Variants in STXBP6 observed in about 807,000 individuals in gnomAD.
STXBP6 encodes syntaxin-binding protein 6.
A neutral mutation model predicts 26.9 loss-of-function variants in STXBP6; 21 were observed. The ratio of observed to expected loss-of-function variants is 0.78; its 90% CI spans 0.55 to 1.12. The LOEUF (loss-of-function observed/expected upper bound fraction) is 1.12. Among genes scored for constraint, STXBP6 ranks in the 50% most tolerant of loss-of-function variants. The pLI is 0.00. For missense variants in STXBP6, 232 were observed against 257.9 expected, an observed-to-expected ratio of 0.90 and a Z score of 0.69; for synonymous variants, 97 against 92.6, an observed-to-expected ratio of 1.05 and a Z score of -0.27.
At chr14:24,846,289 T>C (rs934405411) in intron 4 of STXBP6, among the ~76,000 whole-genome samples, 5 of 152,240 alleles carry the variant, frequency 3.3e-5, no homozygotes, top group African/African-American at 7.2e-5. Context: ...TTTACAGCAT[T>C]ATTCTATGTA....
rs569935841 is a variant in STXBP6, at chr14:24,895,423, T to G, written c.155-38266A>C. On this transcript the variant is annotated intron_variant, in intron 2 of 5. Coordinates refer to ENST00000323944, the MANE Select transcript of STXBP6 (RefSeq NM_001394410.1). ...ACTTCAACAACAGGACTAGGTTTAC[T>G]GGCATTCATGTCCAGTGAAAGGAAG... 2.0e-5 allele frequency among the ~76,000 whole-genome samples: 3 copies of G among 152,354 alleles called. No homozygotes were observed. In the South Asian group the frequency reaches 6.2e-4, roughly 32 times the overall value.
chr14:24,983,265 C>T (rs929737099), intron 1 of STXBP6, among the ~76,000 whole-genome samples: 1 of 152,164 alleles, frequency 6.6e-6, no homozygotes, highest in Non-Finnish European at 1.5e-5. Context: ...TGACATTCCC[C>T]TATTTTTACT....
At chr14:25,038,085 T>C (rs1023744750) in intron 1 of STXBP6, among the ~76,000 whole-genome samples, 1 of 148,786 alleles carries the variant, frequency 6.7e-6, no homozygotes, top group Non-Finnish European at 1.5e-5. Flanking sequence ...ACACACACAC[T>C]CACACACACA....
chr14:24,986,645 G>A (rs559365000), intron 1 of STXBP6, among the ~76,000 whole-genome samples: 168 of 152,216 alleles, frequency 1.1e-3, no homozygotes, highest in African/African-American at 3.8e-3. Context: ...CCCTTCAGCC[G>A]CAGCACAAAA....
chr14:24,924,494 T>C (rs2072092614), intron 2 of STXBP6, among the ~76,000 whole-genome samples: 1 of 152,082 alleles, frequency 6.6e-6, no homozygotes, highest in Non-Finnish European at 1.5e-5. Flanking sequence ...TAGAAATAGA[T>C]AAAATCTCCA....
At chr14:25,013,788 C>T (rs1329533871) in intron 1 of STXBP6, among the ~76,000 whole-genome samples, 3 of 149,938 alleles carry the variant, frequency 2.0e-5, no homozygotes, top group Admixed American at 2.0e-4. Context: ...AGGGTGAATC[C>T]ACAGATTAAA....
intron 1 of STXBP6, among the ~76,000 whole-genome samples, chr14:24,977,777 C>A (rs950607203): frequency 7.9e-5 from 12 of 152,148 alleles, no homozygotes; most frequent in Non-Finnish European, 1.3e-4. Flanking sequence ...GCAATCTATA[C>A]CAAAGGTATT....
chr14:24,834,183 C>G (rs188690906), intron 4 of STXBP6, among the ~76,000 whole-genome samples: 5 of 151,980 alleles, frequency 3.3e-5, no homozygotes, highest in Non-Finnish European at 7.4e-5. Flanking sequence ...TCTGTAGAGA[C>G]GAGGTCTTGC....
chr14:24,885,501 A>G (rs566472225), intron 2 of STXBP6, among the ~76,000 whole-genome samples: 1 of 152,318 alleles, frequency 6.6e-6, no homozygotes, highest in South Asian at 2.1e-4. Flanking sequence ...ATTACACTCA[A>G]TCCCCTACCT....
Position 24,832,716 on chromosome 14 carries a change from C to T in STXBP6, c.452-13522G>A, listed in dbSNP as rs151186396. Among the ~76,000 whole-genome samples the T allele has an allele frequency of 2.6e-5, 4 of 152,218 alleles. No homozygotes were observed. The East Asian group carries it at 7.7e-4, about 29-fold the overall frequency. On this transcript the variant is annotated intron_variant, in intron 4 of 5. Transcript: ENST00000323944. ...TATCAATTACATAGAGGAGTTAATC[C>T]ACACTGAATAATTTTAAACAAAAAC...
intron 2 of STXBP6, among the ~76,000 whole-genome samples, chr14:24,936,166 G>A (rs1461804786): frequency 6.6e-6 from 1 of 152,168 alleles, no homozygotes; most frequent in Non-Finnish European, 1.5e-5. Flanking sequence ...CCATTTGAGA[G>A]TCTACTGGCT....
chr14:24,831,657 T>C (rs975657434), intron 4 of STXBP6, among the ~76,000 whole-genome samples: 19 of 152,168 alleles, frequency 1.2e-4, no homozygotes, highest in Admixed American at 3.3e-4. Context: ...AGTGAATTTA[T>C]TGTACTCTTT....
chr14:24,871,639 C>T (rs1345776303), intron 2 of STXBP6, among the ~76,000 whole-genome samples: 2 of 152,180 alleles, frequency 1.3e-5, no homozygotes, highest in African/African-American at 4.8e-5. Flanking sequence ...TATCTCCTCT[C>T]CAGAGCAAGG....
chr14:24,958,086 G>T (rs57787991), intron 2 of STXBP6, among the ~76,000 whole-genome samples: 1 of 152,098 alleles, frequency 6.6e-6, no homozygotes, highest in Non-Finnish European at 1.5e-5. Flanking sequence ...ATGGAAAAAT[G>T]ATGCTCTACA....
chr14:24,944,033 GT>G (rs1279537871), intron 2 of STXBP6, among the ~76,000 whole-genome samples: 3 of 152,012 alleles, frequency 2.0e-5, no homozygotes, highest in Non-Finnish European at 2.9e-5. Flanking sequence ...TTGCTAATTT[GT>G]TTTTGTCCTC....
chr14:24,970,424 G>A (rs987056), intron 2 of STXBP6, among the ~76,000 whole-genome samples: 17,333 of 151,946 alleles, frequency 0.11, 1,072 homozygotes, highest in African/African-American at 0.14. Flanking sequence ...AGTCAATCCT[G>A]CCACTACATC....
chr14:24,940,523 C>T (rs1718619791), intron 2 of STXBP6, among the ~76,000 whole-genome samples: 1 of 152,192 alleles, frequency 6.6e-6, no homozygotes, highest in South Asian at 2.1e-4. Context: ...TGGCTTGATG[C>T]TGGAAGCCTC....
chr14:25,004,363 G>A (rs1169649295), intron 1 of STXBP6, among the ~76,000 whole-genome samples: 1 of 152,218 alleles, frequency 6.6e-6, no homozygotes, highest in Non-Finnish European at 1.5e-5. Context: ...AGGGAAAAGA[G>A]CACTCAATCA....
chr14:25,038,822 T>TA (rs1464940518), intron 1 of STXBP6, among the ~76,000 whole-genome samples: 55 of 151,014 alleles, frequency 3.6e-4, no homozygotes, highest in African/African-American at 1.3e-3. Flanking sequence ...AGCTTTTTTT[T>TA]AAAAAAAAGA....
Sources: gnomAD v4.1 joint callset for allele counts (sites outside exome capture counted in the v4.1 genomes callset) on GRCh38, gnomAD v4.1.1 for gene constraint, MANE v1.5 for transcripts, NCBI Gene and HGNC (gene_info 2026-07-23, HGNC 2026-07-21) for gene names.